Variants in PGGT1B observed in about 807,000 individuals in gnomAD.
The protein encoded by PGGT1B is protein geranylgeranyltransferase type I subunit beta.
PGGT1B carries 30 observed loss-of-function variants against 46.1 expected under a neutral mutation model. The ratio of observed to expected loss-of-function variants is 0.65; its 90% confidence interval spans 0.49 to 0.88. PGGT1B has a LOEUF of 0.88. Among genes scored for constraint, PGGT1B ranks in the 40% least tolerant of loss-of-function variants. The probability of loss-of-function intolerance (pLI) is 0.00; values close to 1 mark genes in which losing one functional copy is unlikely to be tolerated. For missense variants in PGGT1B, 376 were observed against 455.9 expected, an observed-to-expected ratio of 0.82 and a Z score of 1.60; for synonymous variants, 170 against 160.0, an observed-to-expected ratio of 1.06 and a Z score of -0.47.
At chr5:115,232,388 T>C (rs937028323) in intron 5 of PGGT1B, among the ~76,000 whole-genome samples, 2 of 151,982 alleles carry the variant, frequency 1.3e-5, no homozygotes, top group Non-Finnish European at 2.9e-5. Context: ...ACACACAACG[T>C]TGGAAGCTGA....
At chr5:115,252,992 C>G in intron 2 of PGGT1B, 145 bp downstream of exon 2, 1 of 670,322 alleles carries the variant, frequency 1.5e-6, no homozygotes, top group Non-Finnish European at 2.5e-6. Context: ...TGTATTTCAA[C>G]AGAATGGCAA....
Position 115,211,586 on chromosome 5 carries a change from C to T in PGGT1B, c.*816G>A, listed in dbSNP as rs1159309905. 2.9e-5 allele frequency: 2 copies of T among 69,290 alleles called. No homozygotes were observed. The highest frequency in any genetic ancestry group is 5.4e-5 in the Non-Finnish European group (2 of 37,042). The allele number at this position is 69,290 out of a possible 1,614,324, so 4.3% of individuals were successfully genotyped here. On this transcript the variant is annotated 3_prime_UTR_variant, in exon 9 of 9. Transcript: ENST00000419445. ...CCTTCTAGATAAAAAAGATTGTTTTCTTCCTAGAAAGCAAAAAAAAAAAAA... is the reference window on the plus strand; with the variant it reads ...CCTTCTAGATAAAAAAGATTGTTTTTTTCCTAGAAAGCAAAAAAAAAAAAA...
At chr5:115,239,375 T>C (rs528583040) in intron 3 of PGGT1B, among the ~76,000 whole-genome samples, 72 of 152,296 alleles carry the variant, frequency 4.7e-4, no homozygotes, top group African/African-American at 1.7e-3. Context: ...GTCTCACAAA[T>C]GTACCAAGCA....
chr5:115,255,893 C>T lies in PGGT1B; in HGVS notation c.141-2638G>A, dbSNP rs1748289715. Among the ~76,000 whole-genome samples, 6 of 152,106 alleles carry T rather than the reference C, an allele frequency of 3.9e-5. No individual in the cohort carries two copies. In the South Asian group the frequency reaches 1.2e-3, roughly 32 times the overall value. ...TGGTATTCTCCACAGGGGTGCTTCT[C>T]ATTAGAATCTGCTTAAAAACTGCTC... On this transcript the variant is annotated intron_variant, in intron 1 of 8. Transcript: ENST00000419445.
intron 2 of PGGT1B, among the ~76,000 whole-genome samples, chr5:115,242,404 T>C (rs1486803563): frequency 6.6e-6 from 1 of 151,560 alleles, no homozygotes; most frequent in Non-Finnish European, 1.5e-5. Flanking sequence ...GCACCGCTGA[T>C]AAAAAAAAAT....
intron 2 of PGGT1B, among the ~76,000 whole-genome samples, chr5:115,251,138 T>A (rs1159401800): frequency 6.6e-6 from 1 of 152,124 alleles, no homozygotes; most frequent in African/African-American, 2.4e-5. Flanking sequence ...AACTGTTGGG[T>A]CATAGAACAT....
At chr5:115,255,617 G>A (rs956416724) in intron 1 of PGGT1B, among the ~76,000 whole-genome samples, 2 of 152,152 alleles carry the variant, frequency 1.3e-5, no homozygotes, top group African/African-American at 4.8e-5. Flanking sequence ...AGGAAAACAT[G>A]AAGGACTTGA....
rs369567619 is a variant in PGGT1B, at chr5:115,224,035, T to C, written c.659-2027A>G. Among the ~76,000 whole-genome samples the C allele has an allele frequency of 6.8e-4, 103 of 152,318 alleles. 2 individuals carry two copies. In the South Asian group the frequency reaches 0.021, roughly 31 times the overall value. On this transcript the variant is annotated intron_variant, in intron 6 of 8. Transcript: ENST00000419445. The stretch of plus-strand genomic sequence containing the variant: ...CAAGGTAGTTATCATATTAGAAGTG[T>C]TACTGTCAGTTAAGAACTATTTAAT...
At chr5:115,262,178 C>A (rs985650660) in intron 1 of PGGT1B, among the ~76,000 whole-genome samples, 1 of 152,148 alleles carries the variant, frequency 6.6e-6, no homozygotes, top group African/African-American at 2.4e-5. Context: ...TCAGCTATTG[C>A]GATACTTTTA....
intron 5 of PGGT1B, among the ~76,000 whole-genome samples, chr5:115,234,186 C>A (rs1249082169): frequency 1.4e-5 from 2 of 138,012 alleles, no homozygotes; most frequent in African/African-American, 2.8e-5. Context: ...TTCTCCCAAG[C>A]TATATTGTTA....
Position 115,209,385 on chromosome 5 carries a change from C to A in PGGT1B, c.*3017G>T, listed in dbSNP as rs1420821864. ...TGCAAATGAGATTCTGTAGTCACTT[C>A]CCAGTTTCAGTGTCTGTTCTTAGAT... is the stretch of plus-strand genomic sequence containing the variant. On this transcript the variant is annotated 3_prime_UTR_variant, in exon 9 of 9. Transcript: ENST00000419445. 1 of 152,100 alleles carries A rather than the reference C, an allele frequency of 6.6e-6. No homozygotes were observed. Among genetic ancestry groups the A allele is most frequent in the Admixed American group, 6.6e-5 (1 of 15,234 alleles). The allele number at this position is 152,100 out of a possible 1,614,324, so 9.4% of individuals were successfully genotyped here. A position where few individuals can be genotyped will look rare whatever the true frequency, so the allele number is the denominator to read the frequency against.
chr5:115,223,807 G>T (rs1756669881), intron 6 of PGGT1B, among the ~76,000 whole-genome samples: 1 of 152,258 alleles, frequency 6.6e-6, no homozygotes, highest in Admixed American at 6.5e-5. Flanking sequence ...ACTTTTTACT[G>T]GCACTATTTG....
At chr5:115,233,791 C>T (rs987604187) in intron 5 of PGGT1B, among the ~76,000 whole-genome samples, 7 of 151,880 alleles carry the variant, frequency 4.6e-5, no homozygotes, top group Non-Finnish European at 8.8e-5. Flanking sequence ...AAGTATAACG[C>T]TTTTTATTGG....
chr5:115,224,470 A>T (rs1406218393), intron 6 of PGGT1B, among the ~76,000 whole-genome samples: 2 of 152,224 alleles, frequency 1.3e-5, no homozygotes, highest in African/African-American at 2.4e-5. Flanking sequence ...ACATTTACAA[A>T]GTCTATGCTT....
At chr5:115,230,873 C>A (rs1756957048) in intron 6 of PGGT1B, 103 bp downstream of exon 6, 2 of 727,818 alleles carry the variant, frequency 2.7e-6, no homozygotes, top group South Asian at 1.6e-5. Context: ...TATGCTGCAC[C>A]AAGGGTTGAG....
rs943259492 is a variant in PGGT1B, at chr5:115,237,900, G to C, written c.437C>G (p.Ala146Gly). 2 of 1,611,760 alleles carry C rather than the reference G, an allele frequency of 1.2e-6. No homozygotes were observed. The highest frequency in any genetic ancestry group is 1.7e-6 in the Non-Finnish European group (2 of 1,179,736). The change falls in exon 4 of 9, where the codon GCT becomes GGT. Residue 146 changes from alanine to glycine, a missense_variant. Physicochemically the swap from Ala to Gly is moderately conservative, Grantham distance 60 (BLOSUM62 0). Coordinates refer to ENST00000419445, the MANE Select transcript of PGGT1B (RefSeq NM_005023.4). Reference protein sequence around the residue: ...GDDLSRVNKEACLAGLRALQL... With the variant: ...GDDLSRVNKEGCLAGLRALQL... Reference sequence around the variant, plus strand: ...AAGGGCTCTCAAGCCCGCTAAGCAAGCTTCTTTATTTACTCGGCTTAAGTC... The same window carrying C: ...AAGGGCTCTCAAGCCCGCTAAGCAACCTTCTTTATTTACTCGGCTTAAGTC...
At chr5:115,230,168 G>A (rs564525786) in intron 6 of PGGT1B, among the ~76,000 whole-genome samples, 13 of 151,972 alleles carry the variant, frequency 8.6e-5, no homozygotes, top group African/African-American at 1.7e-4. Context: ...GAAACCCTCC[G>A]AGAAATTACA....
In PGGT1B at chr5:115,210,423, C is replaced by T. The variant is rs1170483320; in HGVS notation, c.*1979G>A. 1 of 152,076 alleles carries T rather than the reference C, an allele frequency of 6.6e-6. No individual in the cohort carries two copies. The highest frequency in any genetic ancestry group is 1.5e-5 in the Non-Finnish European group (1 of 67,984). 9.4% of individuals were successfully genotyped at this position (152,076 alleles called of 1,614,324 possible). On this transcript the variant is annotated 3_prime_UTR_variant, in exon 9 of 9. Transcript: ENST00000419445. ...TTTCTCCACAATTCACACTGGGCTG[C>T]TATTTTCTGGTCAATTCAGTTGCTG... is the stretch of plus-strand genomic sequence containing the variant.
intron 1 of PGGT1B, among the ~76,000 whole-genome samples, chr5:115,258,925 C>T (rs1387537625): frequency 6.6e-6 from 1 of 152,182 alleles, no homozygotes; most frequent in Non-Finnish European, 1.5e-5. Flanking sequence ...AGCTCTTTCG[C>T]CTACCATTAG....
Sources: gnomAD v4.1 joint callset for allele counts (sites outside exome capture counted in the v4.1 genomes callset) on GRCh38, gnomAD v4.1.1 for gene constraint, MANE v1.5 for transcripts, NCBI Gene and HGNC (gene_info 2026-07-23, HGNC 2026-07-21) for gene names.